SRGAP3: variants seen among roughly 807,000 people sequenced by gnomAD.
SRGAP3 encodes the protein SLIT-ROBO Rho GTPase-activating protein 3.
In SRGAP3, 39 loss-of-function variants were observed where a neutral mutation model predicts 121.1. The ratio of observed to expected loss-of-function variants is 0.32; its 90% CI spans 0.25 to 0.42. The LOEUF (loss-of-function observed/expected upper bound fraction) is 0.42, where lower values mean the gene tolerates loss of function less well. Ranked by LOEUF, SRGAP3 falls within the 10% of genes least tolerant of loss-of-function variation. The pLI, the probability that SRGAP3 is intolerant of heterozygous loss-of-function variation, is 1.00. For missense variants in SRGAP3, 1,213 were observed against 1,470.6 expected, an observed-to-expected ratio of 0.82 and a Z score of 2.86; for synonymous variants, 601 against 570.0, an observed-to-expected ratio of 1.05 and a Z score of -0.77.
intron 3 of SRGAP3, among the ~76,000 whole-genome samples, chr3:9,270,098 G>T (rs1394324638): frequency 6.6e-6 from 1 of 152,140 alleles, no homozygotes; most frequent in Non-Finnish European, 1.5e-5. Context: ...GACATTGCTA[G>T]TCTGGAGACT....
chr3:9,133,494 A>C (rs997571071), intron 1 of SRGAP3, among the ~76,000 whole-genome samples: 3 of 152,222 alleles, frequency 2.0e-5, no homozygotes, highest in Non-Finnish European at 4.4e-5. Flanking sequence ...AAAAAAAGTA[A>C]TAATAATACA....
chr3:9,316,660 C>CA lies in SRGAP3; in HGVS notation n.442+9349dup, dbSNP rs1219624520. 1.5e-3 allele frequency among the ~76,000 whole-genome samples: 220 copies of CA among 150,664 alleles called. 1 individual carries two copies. Among genetic ancestry groups the CA allele is most frequent in the African/African-American group, 5.0e-3 (204 of 41,126 alleles). On this transcript the variant is annotated intron_variant and non_coding_transcript_variant, in intron 3 of 3. Coordinates refer to the SRGAP3 transcript ENST00000490889. The stretch of plus-strand genomic sequence containing the variant: ...GGTGACAGAGACTCCATCTCAAAAA[C>CA]AAAAAAAAATTAATATAGCAATCTC...
intron 1 of SRGAP3, among the ~76,000 whole-genome samples, chr3:9,168,322 C>T (rs1409956542): frequency 6.6e-6 from 1 of 152,234 alleles, no homozygotes; most frequent in Non-Finnish European, 1.5e-5. Context: ...CAACCATCGT[C>T]TCTGCTGTTA....
At chr3:9,216,099 G>A (rs935741898) in intron 1 of SRGAP3, among the ~76,000 whole-genome samples, 5 of 11,472 alleles carry the variant, frequency 4.4e-4, no homozygotes, top group East Asian at 6.7e-3. Flanking sequence ...GGAGGCCCCT[G>A]ACTAATGCAC....
At chr3:9,063,381 G>A (rs1946270146) in intron 5 of SRGAP3, among the ~76,000 whole-genome samples, 1 of 151,802 alleles carries the variant, frequency 6.6e-6, no homozygotes, top group African/African-American at 2.4e-5. Context: ...TGACCACCTT[G>A]GCCTCCCAAA....
chr3:9,215,286 C>A (rs537647213), intron 1 of SRGAP3, among the ~76,000 whole-genome samples: 1 of 152,264 alleles, frequency 6.6e-6, no homozygotes, highest in South Asian at 2.1e-4. Context: ...CTACGCTGTT[C>A]GGCCTTCAAA....
chr3:9,176,460 T>C (rs1022086431), intron 1 of SRGAP3, among the ~76,000 whole-genome samples: 3 of 152,220 alleles, frequency 2.0e-5, no homozygotes, highest in South Asian at 4.1e-4. Context: ...GATTAGACAG[T>C]GTTCCTCAGA....
chr3:9,252,863 T>C (rs532803174), upstream of SRGAP3, among the ~76,000 whole-genome samples: 5 of 152,330 alleles, frequency 3.3e-5, no homozygotes, highest in Non-Finnish European at 5.9e-5. Flanking sequence ...ATGTGGTAGG[T>C]GTGAGGGGAG....
chr3:9,117,857 G>A (rs1035202167), intron 2 of SRGAP3, among the ~76,000 whole-genome samples: 4 of 152,162 alleles, frequency 2.6e-5, no homozygotes, highest in Non-Finnish European at 5.9e-5. Context: ...CGGTGGTTCT[G>A]CCTATAATCG....
intron 3 of SRGAP3, among the ~76,000 whole-genome samples, chr3:9,286,099 G>A (rs1227047516): frequency 1.4e-5 from 2 of 145,814 alleles, no homozygotes; most frequent in South Asian, 2.2e-4. Flanking sequence ...GTGACAAAGC[G>A]AGACCCTATC....
At chr3:9,331,225 A>G (rs1955600421) in intron 1 of SRGAP3, among the ~76,000 whole-genome samples, 1 of 152,246 alleles carries the variant, frequency 6.6e-6, no homozygotes, top group African/African-American at 2.4e-5. Flanking sequence ...AAAATTAGCT[A>G]TCATTCATTT....
chr3:9,206,523 C>T (rs1477818121), intron 1 of SRGAP3, among the ~76,000 whole-genome samples: 1 of 152,182 alleles, frequency 6.6e-6, no homozygotes, highest in Middle Eastern at 3.2e-3. Context: ...CCCTCGATGC[C>T]TCTCTGACCT....
intron 8 of SRGAP3, among the ~76,000 whole-genome samples, chr3:9,054,601 T>C (rs1469604911): frequency 1.3e-5 from 2 of 152,244 alleles, no homozygotes; most frequent in African/African-American, 4.8e-5. Context: ...CTTGGGTACA[T>C]GTTTTCAGGA....
intron 1 of SRGAP3, chr3:9,217,055 A>C (rs1234192524): frequency 6.6e-6 from 1 of 152,196 alleles, no homozygotes; most frequent in Non-Finnish European, 1.5e-5. Context: ...CCAGTCCTAC[A>C]AGATGAAAAG....
chr3:9,095,513 A>G (rs1256226772), intron 3 of SRGAP3, among the ~76,000 whole-genome samples: 1 of 152,194 alleles, frequency 6.6e-6, no homozygotes, highest in Non-Finnish European at 1.5e-5. Context: ...ATGTTTATGT[A>G]TATATAAAAT....
At chr3:9,189,032 G>C (rs1356357195) in intron 1 of SRGAP3, among the ~76,000 whole-genome samples, 1 of 152,158 alleles carries the variant, frequency 6.6e-6, no homozygotes, top group African/African-American at 2.4e-5. Context: ...CAGGGTCTTT[G>C]TCCTTTTTTT....
intron 1 of SRGAP3, chr3:9,193,769 T>A (rs1951834869): frequency 6.6e-6 from 1 of 152,304 alleles, no homozygotes; most frequent in South Asian, 2.1e-4. Context: ...ACACCACAGA[T>A]CAGACATGGC....
intron 1 of SRGAP3, among the ~76,000 whole-genome samples, chr3:9,202,865 C>G (rs1952116129): frequency 6.6e-6 from 1 of 152,248 alleles, no homozygotes; most frequent in Non-Finnish European, 1.5e-5. Flanking sequence ...AGAACATGCT[C>G]TAGGCTGAAG....
At chr3:9,147,255 A>T (rs1281442835) in intron 1 of SRGAP3, among the ~76,000 whole-genome samples, 1 of 152,140 alleles carries the variant, frequency 6.6e-6, no homozygotes, top group Non-Finnish European at 1.5e-5. Flanking sequence ...CCCCACCTTG[A>T]TTTCTTCTAC....
Sources: allele counts gnomAD v4.1 joint callset (sites outside exome capture counted in the v4.1 genomes callset), GRCh38; gene constraint gnomAD v4.1.1; transcripts MANE v1.5; gene names NCBI Gene and HGNC (gene_info 2026-07-23, HGNC 2026-07-21).